Variants in PTPRD observed in about 807,000 individuals in gnomAD.
The protein encoded by PTPRD is protein tyrosine phosphatase receptor type D, also known as receptor-type tyrosine-protein phosphatase delta.
Under a neutral mutation model 214.5 loss-of-function variants are expected in PTPRD, and 34 were observed. That is an observed-to-expected ratio of 0.16 (90% CI 0.12 to 0.21). The LOEUF (loss-of-function observed/expected upper bound fraction) is 0.21, where lower values mean the gene tolerates loss of function less well. Among genes scored for constraint, PTPRD ranks in the 10% least tolerant of loss-of-function variants. The pLI is 1.00. For synonymous variants in PTPRD, 1,128 were observed against 845.7 expected, an observed-to-expected ratio of 1.33 and a Z score of -5.79; for missense variants, 2,545 against 2,398.7, an observed-to-expected ratio of 1.06 and a Z score of -1.27.
Position 9,720,809 on chromosome 9 carries a change from A to AC in PTPRD, c.-287+13723dup, listed in dbSNP as rs539704004. The stretch of plus-strand genomic sequence containing the variant: ...TATATACACCATGGAATACTATGCA[A>AC]CCAAAAAAAAGAATGATATCATGTC... On this transcript the variant is annotated intron_variant, in intron 7 of 45. Coordinates refer to ENST00000381196, the MANE Select transcript of PTPRD (RefSeq NM_002839.4). Among the ~76,000 whole-genome samples, 88 of 117,564 alleles carry AC rather than the reference A, an allele frequency of 7.5e-4. 1 individual carries two copies. In the South Asian group the frequency reaches 0.02, roughly 27 times the overall value. The allele number at this position is 117,564 out of a possible 152,430, so 77.1% of individuals were successfully genotyped here.
At chr9:9,904,053 G>C (rs899003569) in intron 5 of PTPRD, among the ~76,000 whole-genome samples, 3 of 152,126 alleles carry the variant, frequency 2.0e-5, no homozygotes, top group Non-Finnish European at 2.9e-5. Context: ...CAGGTGCACT[G>C]ATGATAGTGA....
At chr9:9,075,295 T>C (rs192110839) in intron 10 of PTPRD, among the ~76,000 whole-genome samples, 132 of 152,292 alleles carry the variant, frequency 8.7e-4, no homozygotes, top group Non-Finnish European at 1.5e-3. Flanking sequence ...TTCCTTTTGT[T>C]ACAAACAATA....
intron 10 of PTPRD, among the ~76,000 whole-genome samples, chr9:9,146,742 T>C (rs1402681690): frequency 1.3e-5 from 2 of 152,184 alleles, no homozygotes; most frequent in Admixed American, 6.5e-5. Flanking sequence ...CTGTCATTTA[T>C]AAGGGATCAG....
chr9:10,522,218 T>A (rs1343146284), intron 2 of PTPRD, among the ~76,000 whole-genome samples: 1 of 152,028 alleles, frequency 6.6e-6, no homozygotes, highest in Non-Finnish European at 1.5e-5. Flanking sequence ...CACTAAGGAG[T>A]CTCTGAAGGG....
intron 3 of PTPRD, among the ~76,000 whole-genome samples, chr9:10,309,747 T>C (rs1565201332): frequency 6.6e-6 from 1 of 151,946 alleles, no homozygotes; most frequent in Non-Finnish European, 1.5e-5. Flanking sequence ...TAAATATAGA[T>C]ATATACATAT....
chr9:10,119,051 A>G (rs553537767), intron 3 of PTPRD, among the ~76,000 whole-genome samples: 1 of 152,064 alleles, frequency 6.6e-6, no homozygotes, highest in East Asian at 1.9e-4. Flanking sequence ...CCAGGGCATT[A>G]AAGTTACAAC....
intron 6 of PTPRD, among the ~76,000 whole-genome samples, chr9:9,741,407 T>C (rs1007012676): frequency 5.3e-5 from 8 of 151,790 alleles, no homozygotes; most frequent in African/African-American, 1.9e-4. Flanking sequence ...TTATGAACTT[T>C]ACAAGTTAAC....
intron 2 of PTPRD, among the ~76,000 whole-genome samples, chr9:10,370,494 C>A (rs573095250): frequency 1.3e-5 from 2 of 152,110 alleles, no homozygotes; most frequent in Admixed American, 6.6e-5. Flanking sequence ...CGGTTCTATA[C>A]TAAACTTCTA....
chr9:8,734,761 G>C (rs1405133357), intron 11 of PTPRD, among the ~76,000 whole-genome samples: 1 of 152,196 alleles, frequency 6.6e-6, no homozygotes, highest in Non-Finnish European at 1.5e-5. Flanking sequence ...GGAAAATAAA[G>C]CAGGTACACC....
chr9:9,514,614 T>C (rs917347078), intron 8 of PTPRD, among the ~76,000 whole-genome samples: 1 of 152,082 alleles, frequency 6.6e-6, no homozygotes, highest in South Asian at 2.1e-4. Context: ...TTAGAAGAAA[T>C]TGTCACATCA....
chr9:10,227,569 T>A (rs1454777926), intron 3 of PTPRD, among the ~76,000 whole-genome samples: 1 of 151,990 alleles, frequency 6.6e-6, no homozygotes, highest in African/African-American at 2.4e-5. Context: ...CCAGGCTAGA[T>A]AAGGTGATCC....
At chr9:8,734,803 C>T (rs113109218) in intron 11 of PTPRD, among the ~76,000 whole-genome samples, 45 of 152,208 alleles carry the variant, frequency 3.0e-4, no homozygotes, top group African/African-American at 8.9e-4. Context: ...AAGTGATTAG[C>T]GCCAGGAAGG....
chr9:10,499,085 G>A (rs1056398241), intron 2 of PTPRD, among the ~76,000 whole-genome samples: 3 of 151,818 alleles, frequency 2.0e-5, no homozygotes, highest in African/African-American at 7.3e-5. Flanking sequence ...CTCAGCAAAA[G>A]TTGGGGCAAC....
rs191256437 is a variant in PTPRD, at chr9:10,045,757, A to G, written c.-544-11967T>C. ...ATGACTACCTCAGATAACATATCTC[A>G]TAACAAAGCAAACGTTTGCTACAAA... is the stretch of plus-strand genomic sequence containing the variant. On this transcript the variant is annotated intron_variant, in intron 3 of 45. Transcript: ENST00000381196. 3.0e-4 allele frequency among the ~76,000 whole-genome samples: 46 copies of G among 151,916 alleles called. No individual in the cohort carries two copies. In the East Asian group the frequency reaches 8.9e-3, roughly 29 times the overall value.
At chr9:8,347,966 A>G (rs1224460090) in intron 39 of PTPRD, among the ~76,000 whole-genome samples, 1 of 152,160 alleles carries the variant, frequency 6.6e-6, no homozygotes, top group Non-Finnish European at 1.5e-5. Context: ...TGGAAGCCCC[A>G]GCAGACTAAC....
intron 7 of PTPRD, among the ~76,000 whole-genome samples, chr9:9,579,459 C>T (rs2090068034): frequency 1.3e-5 from 2 of 152,090 alleles, no homozygotes. Context: ...CTGGGGTACA[C>T]ATACAGGATG....
intron 35 of PTPRD, among the ~76,000 whole-genome samples, chr9:8,406,963 C>T (rs2093045299): frequency 6.6e-6 from 1 of 152,170 alleles, no homozygotes; most frequent in Non-Finnish European, 1.5e-5. Flanking sequence ...TTTACTTAGA[C>T]TAAGATCACC....
intron 2 of PTPRD, among the ~76,000 whole-genome samples, chr9:10,438,282 G>A (rs941845520): frequency 2.0e-5 from 3 of 151,440 alleles, no homozygotes; most frequent in African/African-American, 7.3e-5. Flanking sequence ...GTGTCAAGGA[G>A]CATCTGGAAT....
intron 11 of PTPRD, among the ~76,000 whole-genome samples, chr9:8,955,810 A>G (rs2099128559): frequency 6.6e-6 from 1 of 151,854 alleles, no homozygotes; most frequent in Non-Finnish European, 1.5e-5. Flanking sequence ...CTAACTCATT[A>G]AATCATCTTA....
Sources: allele counts gnomAD v4.1 joint callset (sites outside exome capture counted in the v4.1 genomes callset), GRCh38; gene constraint gnomAD v4.1.1; transcripts MANE v1.5; gene names NCBI Gene and HGNC (gene_info 2026-07-23, HGNC 2026-07-21).